The following CCDC85C variants were observed in gnomAD, a reference collection of about 807,000 sequenced individuals.
The protein encoded by CCDC85C is coiled-coil domain containing 85C, also known as coiled-coil domain-containing protein 85C.
Under a neutral mutation model 38.3 loss-of-function variants are expected in CCDC85C, and 18 were observed. The ratio of observed to expected loss-of-function variants is 0.47; its 90% confidence interval spans 0.33 to 0.70. CCDC85C has a LOEUF of 0.70. Ranked by LOEUF, CCDC85C falls within the 30% of genes least tolerant of loss-of-function variation. The pLI is 0.03. For missense variants in CCDC85C, 566 were observed against 621.2 expected (o/e 0.91, Z 0.94); for synonymous variants, 264 against 293.8 (o/e 0.90, Z 1.04).
intron 1 of CCDC85C, among the ~76,000 whole-genome samples, chr14:99,596,739 G>C (rs574794562): frequency 6.6e-6 from 1 of 152,198 alleles, no homozygotes. Context: ...AGCCTTTGGG[G>C]ATGCCAATAG....
intron 1 of CCDC85C, among the ~76,000 whole-genome samples, chr14:99,561,444 C>G (rs1047186892): frequency 6.6e-6 from 1 of 152,226 alleles, no homozygotes; most frequent in African/African-American, 2.4e-5. Context: ...AGCCATCCTC[C>G]ACGGCAGCAG....
intron 5 of CCDC85C, 111 bp from the exon 6 acceptor site, chr14:99,515,446 G>A (rs1214090123): frequency 9.4e-6 from 7 of 745,534 alleles, no homozygotes; most frequent in Non-Finnish European, 1.6e-5. Context: ...AGAGCCATGG[G>A]GCCAGGAGGG....
intron 2 of CCDC85C, among the ~76,000 whole-genome samples, chr14:99,523,823 G>A (rs1399771137): frequency 6.6e-6 from 1 of 152,284 alleles, no homozygotes; most frequent in Non-Finnish European, 1.5e-5. Context: ...ACCATCAAAT[G>A]GGACTGCCAT....
chr14:99,585,362 G>A lies in CCDC85C; in HGVS notation c.793+17805C>T, dbSNP rs768661462. Among the ~76,000 whole-genome samples the A allele has an allele frequency of 5.9e-5, 9 of 152,162 alleles. 1 individual carries two copies. The highest frequency in any genetic ancestry group is 1.3e-4 in the Admixed American group (2 of 15,284). Reference sequence around the variant, plus strand: ...GAGAGAGCACAGAGAGGTGGTGTGGGCAGGTGTCAGGTGTGGGGACCCCAG... The same window carrying A: ...GAGAGAGCACAGAGAGGTGGTGTGGACAGGTGTCAGGTGTGGGGACCCCAG... On this transcript the variant is annotated intron_variant, in intron 1 of 5. Coordinates refer to ENST00000380243, the MANE Select transcript of CCDC85C (RefSeq NM_001144995.2).
chr14:99,561,160 G>A (rs992423300), intron 1 of CCDC85C, among the ~76,000 whole-genome samples: 3 of 152,210 alleles, frequency 2.0e-5, no homozygotes, highest in Admixed American at 6.5e-5. Context: ...CAGGGCTCCC[G>A]ACAAGCCACA....
intron 3 of CCDC85C, among the ~76,000 whole-genome samples, chr14:99,518,336 G>C (rs920121553): frequency 2.0e-5 from 3 of 152,048 alleles, no homozygotes; most frequent in Admixed American, 2.0e-4. Flanking sequence ...CCACCCCTGA[G>C]GCTAGGGGGC....
Position 99,588,584 on chromosome 14 carries a change from G to A in CCDC85C, c.793+14583C>T, listed in dbSNP as rs1410729178. Among the ~76,000 whole-genome samples the A allele has an allele frequency of 6.6e-6, 1 of 152,094 alleles. No homozygotes were observed. The highest frequency in any genetic ancestry group is 2.4e-5 in the African/African-American group (1 of 41,426). The stretch of plus-strand genomic sequence containing the variant: ...GCTGGCGATGGCGCTGGCCCGGGAG[G>A]CCTGAGGAAGCGAGCTGGGGAGAGG... On this transcript the variant is annotated intron_variant, in intron 1 of 5. Coordinates refer to ENST00000380243, the MANE Select transcript of CCDC85C (RefSeq NM_001144995.2). The surrounding 1 kb of genome is among the most constrained non-coding windows in gnomAD (Gnocchi z 5.0).
chr14:99,575,317 G>A (rs944883710), intron 1 of CCDC85C, among the ~76,000 whole-genome samples: 7 of 152,202 alleles, frequency 4.6e-5, no homozygotes, highest in African/African-American at 1.2e-4. Flanking sequence ...ACTCATGAGC[G>A]TGGCTCCTGG....
chr14:99,540,304 G>A (rs888819226), intron 1 of CCDC85C, among the ~76,000 whole-genome samples: 4 of 152,140 alleles, frequency 2.6e-5, no homozygotes, highest in Non-Finnish European at 4.4e-5. Context: ...CCAGTGAGCC[G>A]GGCGTCAGTC....
Position 99,572,414 on chromosome 14 carries a change from C to T in CCDC85C, c.793+30753G>A, listed in dbSNP as rs1197986866. ...TCTCAGCCTGCAATCCCGGCTCCCA[C>T]CCCCACCCCAAGGCCCTGCTCCACA... On this transcript the variant is annotated intron_variant, in intron 1 of 5. Transcript: ENST00000380243. This position sits in a 1 kb window ranked among gnomAD's most constrained non-coding sequence, Gnocchi z 4.4. Among the ~76,000 whole-genome samples the T allele has an allele frequency of 6.6e-6, 1 of 151,976 alleles. No homozygotes were observed. The highest frequency in any genetic ancestry group is 1.5e-5 in the Non-Finnish European group (1 of 67,986).
In CCDC85C at chr14:99,503,720, T is replaced by C. The variant is rs1896901311; in HGVS notation, c.*11526A>G. On this transcript the variant is annotated 3_prime_UTR_variant, in exon 6 of 6. Coordinates refer to ENST00000380243, the MANE Select transcript of CCDC85C (RefSeq NM_001144995.2). ...CTTTAAATTCTTAGCCAACATTGTTTCTTTTCAGATCTAAATTGGCCTTAA... is the reference window on the plus strand; with the variant it reads ...CTTTAAATTCTTAGCCAACATTGTTCCTTTTCAGATCTAAATTGGCCTTAA... 7.9e-7 allele frequency: 1 copy of C among 1,272,426 alleles called. No individual in the cohort carries two copies. 78.8% of individuals were successfully genotyped at this position (1,272,426 alleles called of 1,614,324 possible).
At position 99,558,397 on chromosome 14, in the gene CCDC85C, C is replaced by T. The variant is rs1898051869; in HGVS notation, c.794-22309G>A. Among the ~76,000 whole-genome samples the T allele has an allele frequency of 6.6e-6, 1 of 152,190 alleles. No homozygotes were observed. The highest frequency in any genetic ancestry group is 2.1e-4 in the South Asian group (1 of 4,826). On this transcript the variant is annotated intron_variant, in intron 1 of 5. Transcript: ENST00000380243. The surrounding 1 kb of genome is among the most constrained non-coding windows in gnomAD (Gnocchi z 4.2). ...ATTAGGGTGGCCCTAAATCCAGTGACTGCACGTGAGGTCAAGAGTTCCAAA... is the reference window on the plus strand; with the variant it reads ...ATTAGGGTGGCCCTAAATCCAGTGATTGCACGTGAGGTCAAGAGTTCCAAA...
chr14:99,564,632 C>T (rs909002295), intron 1 of CCDC85C, among the ~76,000 whole-genome samples: 4 of 152,208 alleles, frequency 2.6e-5, no homozygotes, highest in Non-Finnish European at 5.9e-5. Flanking sequence ...GTGTGTGCAT[C>T]CCCGAGGGCC....
chr14:99,522,133 G>A lies in CCDC85C; in HGVS notation c.975C>T (p.Asn325=), dbSNP rs746236862. Residue 325 remains asparagine, a splice_region_variant and synonymous_variant, in exon 3 of 6, where the codon AAC becomes AAT. Transcript: ENST00000380243. ...GGGCTTTTTTGGGGTGCACACTCAC[G>A]TTCTGCAGGGAGTCCTGGTAGGAGG... ...LPPSYQDSLQ[N]GPACPAPELP... The A allele has an allele frequency of 7.7e-6, 12 of 1,549,524 alleles. No individual in the cohort carries two copies. Among genetic ancestry groups the A allele is most frequent in the East Asian group, 2.4e-5 (1 of 40,900 alleles).
At chr14:99,546,067 G>T (rs542253628) in intron 1 of CCDC85C, among the ~76,000 whole-genome samples, 7 of 151,214 alleles carry the variant, frequency 4.6e-5, no homozygotes, top group East Asian at 1.9e-4. Flanking sequence ...TGGGGGGGGG[G>T]AATAAACAAC....
chr14:99,561,372 C>T (rs1436107523), intron 1 of CCDC85C, among the ~76,000 whole-genome samples: 1 of 152,220 alleles, frequency 6.6e-6, no homozygotes, highest in African/African-American at 2.4e-5. Context: ...AGAGAGTGGA[C>T]AGCCCCGTGA....
At position 99,504,175 on chromosome 14, in the gene CCDC85C, C is replaced by T. The variant is rs1439432907; in HGVS notation, c.*11071G>A. 1.2e-5 allele frequency: 3 copies of T among 244,158 alleles called. No homozygotes were observed. Among genetic ancestry groups the T allele is most frequent in the South Asian group, 3.4e-5 (1 of 29,500 alleles). 15.1% of individuals were successfully genotyped at this position (244,158 alleles called of 1,614,324 possible). ...ATTGGAAATAAACAGAAGGAGTGAG[C>T]AAAATTGGAACAATTACAAAACAGA... On this transcript the variant is annotated 3_prime_UTR_variant, in exon 6 of 6. Transcript: ENST00000380243.
Position 99,501,457 on chromosome 14 carries a change from G to A in CCDC85C, c.*13789C>T. ...TGATTAATTACAGTATTTTAAAATA[G>A]GCAGAGACTTTATGGACCATTTCAT... On this transcript the variant is annotated 3_prime_UTR_variant, in exon 6 of 6. Transcript: ENST00000380243. 1 of 1,270,656 alleles carries A rather than the reference G, an allele frequency of 7.9e-7. No homozygotes were observed. Among genetic ancestry groups the A allele is most frequent in the Non-Finnish European group, 1.1e-6 (1 of 872,140 alleles). The allele number at this position is 1,270,656 out of a possible 1,614,324, so 78.7% of individuals were successfully genotyped here.
At chr14:99,593,934 G>C (rs1453972709) in intron 1 of CCDC85C, among the ~76,000 whole-genome samples, 1 of 145,336 alleles carries the variant, frequency 6.9e-6, no homozygotes, top group Non-Finnish European at 1.5e-5. Flanking sequence ...AAAGCCAAAA[G>C]GTATATATTT....
Sources: allele counts gnomAD v4.1 joint callset (sites outside exome capture counted in the v4.1 genomes callset), GRCh38; gene constraint gnomAD v4.1.1; non-coding constraint Gnocchi (gnomAD v3.1); transcripts MANE v1.5; gene names NCBI Gene and HGNC (gene_info 2026-07-23, HGNC 2026-07-21).